Variants in SDK1 observed in about 807,000 individuals in gnomAD.
SDK1 encodes sidekick cell adhesion molecule 1, also known as protein sidekick-1.
A neutral mutation model predicts 245.5 loss-of-function variants in SDK1; 157 were observed. The observed-to-expected ratio is 0.64, with a 90% CI of 0.56 to 0.73. The LOEUF (loss-of-function observed/expected upper bound fraction) is 0.73. SDK1 is among the 30% of genes least tolerant of loss of function. The pLI is 0.00. For missense variants in SDK1, 3,583 were observed against 3,002.3 expected (o/e 1.19, Z -4.52); for synonymous variants, 1,647 against 1,278.5 (o/e 1.29, Z -6.15).
At chr7:4,053,162 T>G (rs1778983453) in intron 19 of SDK1, among the ~76,000 whole-genome samples, 1 of 151,772 alleles carries the variant, frequency 6.6e-6, no homozygotes, top group South Asian at 2.1e-4. Context: ...TCTCCCCCAG[T>G]GCTGGATGGG....
intron 7 of SDK1, 50 bp from the exon 8 acceptor site, chr7:3,958,881 G>T (rs745741628): frequency 7.0e-7 from 1 of 1,421,788 alleles, no homozygotes. Context: ...TATGGTCTCT[G>T]ACATATCCTT....
At chr7:3,684,536 C>T (rs1003408351) in intron 4 of SDK1, among the ~76,000 whole-genome samples, 2 of 152,312 alleles carry the variant, frequency 1.3e-5, no homozygotes, top group South Asian at 2.1e-4. Context: ...AAAAGAGATG[C>T]ATAGGATGCA....
At chr7:4,232,397 C>CT (rs1785838734) in intron 40 of SDK1, among the ~76,000 whole-genome samples, 2 of 73,902 alleles carry the variant, frequency 2.7e-5, no homozygotes, top group Non-Finnish European at 5.7e-5. Context: ...TTTTTCTTTT[C>CT]TTTTCTTTTC....
chr7:3,943,401 T>C (rs1780446935), intron 5 of SDK1, among the ~76,000 whole-genome samples: 2 of 686 alleles, frequency 2.9e-3, no homozygotes, highest in African/African-American at 0.023. Context: ...CACTTCCTCC[T>C]CCTCCGTCCT....
intron 1 of SDK1, among the ~76,000 whole-genome samples, chr7:3,423,778 A>G (rs2128581667): frequency 6.6e-6 from 1 of 152,310 alleles, no homozygotes; most frequent in East Asian, 1.9e-4. Flanking sequence ...CTCTGCTTTG[A>G]AAATTATAAT....
chr7:3,816,950 C>G (rs1779521826), intron 4 of SDK1, among the ~76,000 whole-genome samples: 1 of 151,934 alleles, frequency 6.6e-6, no homozygotes, highest in Non-Finnish European at 1.5e-5. Flanking sequence ...TGAAACTAGT[C>G]AAATGTTACT....
Position 4,188,271 on chromosome 7 carries a change from C to T in SDK1, c.5098+9685C>T, listed in dbSNP as rs567572633. Among the ~76,000 whole-genome samples the T allele has an allele frequency of 8.5e-5, 13 of 152,286 alleles. No individual in the cohort carries two copies. The East Asian group carries it at 1.4e-3, about 16-fold the overall frequency. On this transcript the variant is annotated intron_variant, in intron 35 of 44. Coordinates refer to ENST00000404826, the MANE Select transcript of SDK1 (RefSeq NM_152744.4). Reference sequence around the variant, plus strand: ...TGAGGTGCCCTCAGTAAGTTGTTGGCGGCTTCTGATTGGTTGGGCTTAAGT... The same window carrying T: ...TGAGGTGCCCTCAGTAAGTTGTTGGTGGCTTCTGATTGGTTGGGCTTAAGT...
At chr7:3,569,492 G>C (rs546051053) in intron 1 of SDK1, among the ~76,000 whole-genome samples, 1 of 152,224 alleles carries the variant, frequency 6.6e-6, no homozygotes, top group Non-Finnish European at 1.5e-5. Context: ...GAATGAGCCC[G>C]AGGCTCTGCA....
At chr7:3,789,179 C>T (rs546937657) in intron 4 of SDK1, among the ~76,000 whole-genome samples, 1 of 152,176 alleles carries the variant, frequency 6.6e-6, no homozygotes, top group Admixed American at 6.5e-5. Flanking sequence ...CGGAGTTTCA[C>T]TCCTGTTACC....
intron 35 of SDK1, among the ~76,000 whole-genome samples, chr7:4,181,811 G>A (rs1007735558): frequency 3.9e-5 from 6 of 152,326 alleles, no homozygotes; most frequent in South Asian, 2.1e-4. Context: ...GCTCGAAGGC[G>A]GGTGCTGAGA....
chr7:3,342,889 A>G (rs1179733394), intron 1 of SDK1, among the ~76,000 whole-genome samples: 1 of 152,172 alleles, frequency 6.6e-6, no homozygotes, highest in African/African-American at 2.4e-5. Context: ...ACTTTTCACC[A>G]AAGAGGATAT....
chr7:4,175,788 C>T lies in SDK1; in HGVS notation c.4950C>T (p.Phe1650=), dbSNP rs138039675. Residue 1650 remains phenylalanine (F), a synonymous_variant, in exon 34 of 45, where the codon TTC becomes TTT. Coordinates refer to ENST00000404826, the MANE Select transcript of SDK1 (RefSeq NM_152744.4). ...LHAELTAQSS[F]KTVNSSSTST... ...TTACCCCAATAGCCCAAAGCAGCTT[C>T]AAGACGGTGAACAGCAGCTCCACAT... is the stretch of plus-strand genomic sequence containing the variant. The T allele has an allele frequency of 3.1e-6, 5 of 1,613,862 alleles. No individual in the cohort carries two copies. The highest frequency in any genetic ancestry group is 4.2e-6 in the Non-Finnish European group (5 of 1,180,006).
chr7:3,489,815 C>T (rs760202107), intron 1 of SDK1, among the ~76,000 whole-genome samples: 17 of 152,192 alleles, frequency 1.1e-4, no homozygotes, highest in Admixed American at 2.0e-4. Context: ...ATGGTAAATG[C>T]AGCAAGATTC....
At chr7:3,991,732 C>T (rs1310600040) in intron 14 of SDK1, among the ~76,000 whole-genome samples, 1 of 152,160 alleles carries the variant, frequency 6.6e-6, no homozygotes, top group African/African-American at 2.4e-5. Flanking sequence ...CCATGGTTGC[C>T]TCCTGCCTGT....
At chr7:3,847,309 C>T (rs956745975) in intron 5 of SDK1, among the ~76,000 whole-genome samples, 4 of 152,188 alleles carry the variant, frequency 2.6e-5, no homozygotes, top group African/African-American at 9.7e-5. Flanking sequence ...TCGACTTGGT[C>T]GCCATAAACC....
At chr7:3,732,184 G>A (rs1179195094) in intron 4 of SDK1, among the ~76,000 whole-genome samples, 1 of 152,240 alleles carries the variant, frequency 6.6e-6, no homozygotes, top group Admixed American at 6.5e-5. Flanking sequence ...GTTGAAGTAG[G>A]TAGGAAGGTG....
chr7:3,666,827 A>C (rs536026506), intron 4 of SDK1, among the ~76,000 whole-genome samples: 2 of 152,194 alleles, frequency 1.3e-5, no homozygotes, highest in Non-Finnish European at 2.9e-5. Flanking sequence ...TTCCTATCTC[A>C]GGTCTTGCAG....
At chr7:3,761,031 T>TA (rs1344101394) in intron 4 of SDK1, among the ~76,000 whole-genome samples, 1 of 152,188 alleles carries the variant, frequency 6.6e-6, no homozygotes, top group Non-Finnish European at 1.5e-5. Context: ...TTTGGGAACT[T>TA]ACATTTTCAA....
chr7:3,833,835 C>G (rs575746505), intron 5 of SDK1, among the ~76,000 whole-genome samples: 2 of 152,276 alleles, frequency 1.3e-5, no homozygotes, highest in African/African-American at 4.8e-5. Context: ...TGATGAAAAT[C>G]TAGGAAGCAG....
Sources: gnomAD v4.1 joint callset for allele counts (sites outside exome capture counted in the v4.1 genomes callset) on GRCh38, gnomAD v4.1.1 for gene constraint, MANE v1.5 for transcripts, NCBI Gene and HGNC (gene_info 2026-07-23, HGNC 2026-07-21) for gene names.